DSCAML1: variants seen among roughly 807,000 people sequenced by gnomAD.
DSCAML1 encodes cell adhesion molecule DSCAML1.
Under a neutral mutation model 200.5 loss-of-function variants are expected in DSCAML1, and 38 were observed. That is an observed-to-expected ratio of 0.19 (90% CI 0.15 to 0.25). DSCAML1 has a LOEUF of 0.25. DSCAML1 is among the 10% of genes least tolerant of loss of function. The pLI is 1.00. For missense variants in DSCAML1, 2,223 were observed against 2,858.8 expected (o/e 0.78, Z 5.07); for synonymous variants, 1,215 against 1,165.0 (o/e 1.04, Z -0.87).
At chr11:117,461,161 C>T (rs932885481) in intron 18 of DSCAML1, among the ~76,000 whole-genome samples, 5 of 152,182 alleles carry the variant, frequency 3.3e-5, no homozygotes, top group South Asian at 4.2e-4. Flanking sequence ...TGTCTCCTTC[C>T]CACCCCTCAC....
At chr11:117,707,557 T>C (rs1461034790) in intron 3 of DSCAML1, among the ~76,000 whole-genome samples, 2 of 152,118 alleles carry the variant, frequency 1.3e-5, no homozygotes, top group South Asian at 2.1e-4. Flanking sequence ...TTTTTTGAGA[T>C]GGAGTCTCGC....
At chr11:117,802,293 C>A (rs572166011) in intron 1 of DSCAML1, among the ~76,000 whole-genome samples, 70 of 152,270 alleles carry the variant, frequency 4.6e-4, no homozygotes, top group African/African-American at 1.6e-3. Context: ...CTCCTCTGGT[C>A]TCCCACTGCC....
rs530124997 is a variant in DSCAML1, at chr11:117,532,229, A to G, written c.658+147T>C. On this transcript the variant is annotated intron_variant, in intron 4 of 32. Transcript: ENST00000651296. ...CAAAGAGGTCTTCCTTGGTGGTTTC[A>G]GTACCTGATTTCTTTAATCTCTTTC... 23 of 688,402 alleles carry G rather than the reference A, an allele frequency of 3.3e-5. No homozygotes were observed. The South Asian group carries it at 6.5e-4, about 20-fold the overall frequency. 42.6% of individuals were successfully genotyped at this position (688,402 alleles called of 1,614,324 possible).
At chr11:117,432,266 T>TA in intron 30 of DSCAML1, 86 bp downstream of exon 30, 1 of 1,414,926 alleles carries the variant, frequency 7.1e-7, no homozygotes, top group Non-Finnish European at 9.4e-7. Context: ...CCTCCTCCCT[T>TA]TAAAAAAAAA....
Position 117,650,698 on chromosome 11 carries a change from T to TGTGTGTGTGTGC in DSCAML1, c.512-118177_512-118176insGCACACACACAC, listed in dbSNP as rs1427168133. 1.8e-4 allele frequency among the ~76,000 whole-genome samples: 19 copies of TGTGTGTGTGTGC among 106,440 alleles called. 1 individual carries two copies. The highest frequency in any genetic ancestry group is 0.01 in the Middle Eastern group (2 of 196). The allele number at this position is 106,440 out of a possible 152,430, so 69.8% of individuals were successfully genotyped here. A position where few individuals can be genotyped will look rare whatever the true frequency, so the allele number is the denominator to read the frequency against. Reference sequence around the variant, plus strand: ...GTGTGTGTGTGTGTGTGTGTGTGTGTGTGCGTGTGTGTGTGTGGTGGGGAT... The same window carrying TGTGTGTGTGTGC: ...GTGTGTGTGTGTGTGTGTGTGTGTGTGTGTGTGTGTGCGTGCGTGTGTGTGTGTGGTGGGGAT... On this transcript the variant is annotated intron_variant, in intron 3 of 32. Transcript: ENST00000651296.
intron 3 of DSCAML1, among the ~76,000 whole-genome samples, chr11:117,643,925 A>G (rs992159482): frequency 6.6e-5 from 10 of 152,252 alleles, no homozygotes; most frequent in Non-Finnish European, 1.5e-4. Flanking sequence ...AGAAGGTGGC[A>G]GGTGGCAGAG....
intron 3 of DSCAML1, among the ~76,000 whole-genome samples, chr11:117,727,942 A>G (rs1262344378): frequency 1.3e-5 from 2 of 152,226 alleles, no homozygotes; most frequent in African/African-American, 4.8e-5. Flanking sequence ...GGGAAGTAAG[A>G]AAGATTCTTA....
intron 16 of DSCAML1, 27 bp from the exon 17 acceptor site, chr11:117,465,209 C>A: frequency 6.2e-7 from 1 of 1,608,146 alleles, no homozygotes; most frequent in Non-Finnish European, 8.5e-7. Flanking sequence ...GGGGTGGGCA[C>A]AAAGAAATGG....
At chr11:117,643,617 G>A (rs555682357) in intron 3 of DSCAML1, among the ~76,000 whole-genome samples, 12 of 152,240 alleles carry the variant, frequency 7.9e-5, no homozygotes, top group East Asian at 3.9e-4. Context: ...AGGCTGTGCC[G>A]TCTTGGGTGA....
upstream of DSCAML1, among the ~76,000 whole-genome samples, chr11:117,799,743 G>A (rs2055639397): frequency 6.6e-6 from 1 of 152,248 alleles, no homozygotes. Flanking sequence ...GTGCCAAGCT[G>A]CAGTTTCCTT....
At chr11:117,465,248 C>T (rs2048557688) in intron 16 of DSCAML1, 66 bp from the exon 17 acceptor site, 1 of 1,582,128 alleles carries the variant, frequency 6.3e-7, no homozygotes, top group South Asian at 1.2e-5. Flanking sequence ...CTCTTAAAAC[C>T]AAAGTCAGAT....
chr11:117,593,258 G>A (rs1045273990), intron 3 of DSCAML1, among the ~76,000 whole-genome samples: 9 of 152,174 alleles, frequency 5.9e-5, no homozygotes. Context: ...CTTCTGCCCT[G>A]CAGCAAAATC....
chr11:117,693,478 A>G (rs2053534016), intron 3 of DSCAML1, among the ~76,000 whole-genome samples: 1 of 152,154 alleles, frequency 6.6e-6, no homozygotes, highest in African/African-American at 2.4e-5. Flanking sequence ...GGGCAGGGTC[A>G]AGGATCAAGC....
intron 3 of DSCAML1, among the ~76,000 whole-genome samples, chr11:117,540,842 A>G (rs1034678195): frequency 1.1e-4 from 15 of 136,282 alleles, no homozygotes; most frequent in Non-Finnish European, 2.4e-4. Flanking sequence ...AAAGTACAGT[A>G]ATAATAATAA....
chr11:117,578,534 GT>G (rs1328574670), intron 3 of DSCAML1, among the ~76,000 whole-genome samples: 1 of 152,070 alleles, frequency 6.6e-6, no homozygotes, highest in African/African-American at 2.4e-5. Context: ...GCCAGGCTCA[GT>G]GGTATGTCCC....
At chr11:117,432,259 C>T in intron 30 of DSCAML1, 93 bp downstream of exon 30, 1 of 1,376,264 alleles carries the variant, frequency 7.3e-7, no homozygotes, top group Non-Finnish European at 9.7e-7. Context: ...TAAGCTCCCT[C>T]CTCCCTTTAA....
chr11:117,462,265 G>C (rs916530156), intron 17 of DSCAML1, among the ~76,000 whole-genome samples: 4 of 152,194 alleles, frequency 2.6e-5, no homozygotes, highest in Non-Finnish European at 4.4e-5. Context: ...AACCCTCTCT[G>C]AGACCAGCTT....
intron 3 of DSCAML1, among the ~76,000 whole-genome samples, chr11:117,708,355 C>A (rs1054161159): frequency 3.9e-5 from 6 of 152,234 alleles, no homozygotes; most frequent in Non-Finnish European, 8.8e-5. Context: ...TATAAACCTG[C>A]TGTCAAGTGT....
chr11:117,669,712 T>C (rs1306355570), intron 3 of DSCAML1, among the ~76,000 whole-genome samples: 1 of 152,214 alleles, frequency 6.6e-6, no homozygotes, highest in African/African-American at 2.4e-5. Context: ...ACATGACATT[T>C]ACACTGAGAC....
Sources: gnomAD v4.1 joint callset for allele counts (sites outside exome capture counted in the v4.1 genomes callset) on GRCh38, gnomAD v4.1.1 for gene constraint, MANE v1.5 for transcripts, NCBI Gene and HGNC (gene_info 2026-07-23, HGNC 2026-07-21) for gene names.